The following LRMDA variants were observed in gnomAD, a reference collection of about 807,000 sequenced individuals.
The protein encoded by LRMDA is leucine-rich melanocyte differentiation-associated protein.
Under a neutral mutation model 29.8 loss-of-function variants are expected in LRMDA, and 18 were observed. The ratio of observed to expected loss-of-function variants is 0.60; its 90% CI spans 0.42 to 0.90. The LOEUF (loss-of-function observed/expected upper bound fraction) is 0.90. LRMDA is among the 40% of genes least tolerant of loss of function. The pLI is 0.00. For missense variants in LRMDA, 273 were observed against 273.9 expected (o/e 1.00, Z 0.02); for synonymous variants, 125 against 109.4 (o/e 1.14, Z -0.89).
At chr10:76,146,102 T>C (rs1489923940) in intron 5 of LRMDA, among the ~76,000 whole-genome samples, 1 of 152,126 alleles carries the variant, frequency 6.6e-6, no homozygotes, top group Admixed American at 6.5e-5. Flanking sequence ...AGGAGTGCTT[T>C]ACTTCCAACT....
intron 2 of LRMDA, among the ~76,000 whole-genome samples, chr10:75,614,328 G>A (rs1589135686): frequency 6.6e-6 from 1 of 152,144 alleles, no homozygotes; most frequent in East Asian, 1.9e-4. Context: ...AGAGGGGCAG[G>A]GAGGAGCAGA....
intron 2 of LRMDA, among the ~76,000 whole-genome samples, chr10:75,729,409 C>T (rs1842668734): frequency 6.6e-6 from 1 of 152,208 alleles, no homozygotes; most frequent in Non-Finnish European, 1.5e-5. Context: ...CTCAGGAGTT[C>T]CTGATCTTTC....
chr10:75,890,060 C>T (rs889266575), intron 2 of LRMDA, among the ~76,000 whole-genome samples: 1 of 152,134 alleles, frequency 6.6e-6, no homozygotes, highest in African/African-American at 2.4e-5. Context: ...CTGATGCAAC[C>T]CAGCTCAGGC....
intron 2 of LRMDA, among the ~76,000 whole-genome samples, chr10:75,872,359 A>G (rs1254690130): frequency 6.6e-6 from 1 of 151,444 alleles, no homozygotes; most frequent in East Asian, 1.9e-4. Flanking sequence ...GCTGGAGTGC[A>G]GTGGTATGAT....
At chr10:76,292,927 C>T (rs1422241411) in intron 5 of LRMDA, among the ~76,000 whole-genome samples, 2 of 152,170 alleles carry the variant, frequency 1.3e-5, no homozygotes, top group Non-Finnish European at 2.9e-5. Context: ...ACTAGGACTG[C>T]TGTGCTTGCA....
intron 6 of LRMDA, among the ~76,000 whole-genome samples, chr10:76,360,439 G>A (rs529014277): frequency 1.1e-4 from 17 of 152,202 alleles, no homozygotes; most frequent in African/African-American, 4.1e-4. Flanking sequence ...GTAGAGACAG[G>A]ATGATTAATC....
chr10:75,985,348 T>G (rs932597916), intron 2 of LRMDA, among the ~76,000 whole-genome samples: 2 of 152,196 alleles, frequency 1.3e-5, no homozygotes, highest in African/African-American at 4.8e-5. Flanking sequence ...AGTTCACATG[T>G]CTGAGAAACT....
intron 6 of LRMDA, among the ~76,000 whole-genome samples, chr10:76,340,462 G>A (rs1841025652): frequency 1.6e-5 from 2 of 124,510 alleles, no homozygotes; most frequent in Admixed American, 1.0e-4. Flanking sequence ...GTTGCAGTGA[G>A]CCAAGATCGT....
chr10:75,936,008 T>TTTA (rs1392957891), intron 2 of LRMDA, among the ~76,000 whole-genome samples: 1 of 152,112 alleles, frequency 6.6e-6, no homozygotes, highest in African/African-American at 2.4e-5. Flanking sequence ...TTTATTTTAT[T>TTTA]TTATTTTATT....
At chr10:76,191,543 T>C (rs1238235498) in intron 5 of LRMDA, among the ~76,000 whole-genome samples, 3 of 152,208 alleles carry the variant, frequency 2.0e-5, no homozygotes, top group South Asian at 2.1e-4. Flanking sequence ...TTTGAGCTAA[T>C]GGCTAGGCAA....
intron 6 of LRMDA, among the ~76,000 whole-genome samples, chr10:76,552,685 C>T (rs116938692): frequency 6.6e-6 from 1 of 152,348 alleles, no homozygotes; most frequent in East Asian, 1.9e-4. Context: ...TACATGGTCA[C>T]ATGACTGTTG....
chr10:75,477,682 G>A (rs894684612), intron 2 of LRMDA, among the ~76,000 whole-genome samples: 1 of 152,198 alleles, frequency 6.6e-6, no homozygotes, highest in Non-Finnish European at 1.5e-5. Context: ...GGCTTGTATA[G>A]CCCCTGGGGC....
intron 2 of LRMDA, among the ~76,000 whole-genome samples, chr10:75,573,534 T>C (rs985331423): frequency 6.6e-5 from 10 of 152,176 alleles, no homozygotes; most frequent in African/African-American, 2.4e-4. Flanking sequence ...TAGCCTATGA[T>C]TCACAAATTC....
chr10:76,260,233 T>G (rs946776678), intron 5 of LRMDA, among the ~76,000 whole-genome samples: 2 of 152,144 alleles, frequency 1.3e-5, no homozygotes, highest in African/African-American at 4.8e-5. Flanking sequence ...CTTTTGTGTA[T>G]TGCCTTGCTT....
intron 2 of LRMDA, among the ~76,000 whole-genome samples, chr10:75,669,441 C>T (rs1478553091): frequency 6.6e-6 from 1 of 152,152 alleles, no homozygotes; most frequent in Non-Finnish European, 1.5e-5. Context: ...ACATGGCCTC[C>T]CCAGGTCTGC....
chr10:75,702,869 AAAAT>A (rs911808831), intron 2 of LRMDA, among the ~76,000 whole-genome samples: 3 of 152,188 alleles, frequency 2.0e-5, no homozygotes, highest in Non-Finnish European at 2.9e-5. Flanking sequence ...TGAGGTGATG[AAAAT>A]AAATACTCAA....
At chr10:76,111,602 C>T (rs1849579726) in intron 5 of LRMDA, among the ~76,000 whole-genome samples, 1 of 152,168 alleles carries the variant, frequency 6.6e-6, no homozygotes, top group African/African-American at 2.4e-5. Flanking sequence ...AAAATAATAA[C>T]ACAGCTTTAG....
At chr10:76,413,057 T>G (rs780494853) in intron 6 of LRMDA, among the ~76,000 whole-genome samples, 1 of 152,168 alleles carries the variant, frequency 6.6e-6, no homozygotes, top group Non-Finnish European at 1.5e-5. Context: ...ACCCTCTGTC[T>G]CTGAGCTTTT....
intron 4 of LRMDA, among the ~76,000 whole-genome samples, chr10:76,052,462 AACAGTT>A (rs896812287): frequency 1.2e-4 from 18 of 152,276 alleles, no homozygotes; most frequent in African/African-American, 4.3e-4. Context: ...CCCTGGGGAT[AACAGTT>A]ACAGGCAGGG....
Sources: allele counts gnomAD v4.1 joint callset (sites outside exome capture counted in the v4.1 genomes callset), GRCh38; gene constraint gnomAD v4.1.1; transcripts MANE v1.5; gene names NCBI Gene and HGNC (gene_info 2026-07-23, HGNC 2026-07-21).